MRPL1: variants seen among roughly 807,000 people sequenced by gnomAD.
MRPL1 encodes mitochondrial ribosomal protein L1.
MRPL1 carries 28 observed loss-of-function variants against 38.0 expected under a neutral mutation model. That is an observed-to-expected ratio of 0.74 (90% CI 0.55 to 1.01). The LOEUF (loss-of-function observed/expected upper bound fraction) is 1.01, where lower values mean the gene tolerates loss of function less well. Ranked by LOEUF, MRPL1 falls within the 50% of genes least tolerant of loss-of-function variation. The probability of loss-of-function intolerance (pLI) is 0.00; values close to 1 mark genes in which losing one functional copy is unlikely to be tolerated. For synonymous variants in MRPL1, 123 were observed against 126.7 expected, an observed-to-expected ratio of 0.97 and a Z score of 0.20; for missense variants, 358 against 389.8, an observed-to-expected ratio of 0.92 and a Z score of 0.69.
chr4:77,879,684 C>T (rs1391819000), intron 2 of MRPL1, among the ~76,000 whole-genome samples: 1 of 152,114 alleles, frequency 6.6e-6, no homozygotes, highest in Non-Finnish European at 1.5e-5. Context: ...CTCCAAAATC[C>T]TTCTGTTGGC....
chr4:77,863,031 A>G (rs1023640148), intron 1 of MRPL1, 152 bp downstream of exon 1: 1 of 883,110 alleles, frequency 1.1e-6, no homozygotes, highest in African/African-American at 1.7e-5. Context: ...ATTACTACTT[A>G]AAAGTGACCT....
chr4:77,876,751 C>A (rs1254392009), intron 2 of MRPL1, among the ~76,000 whole-genome samples: 4 of 152,056 alleles, frequency 2.6e-5, no homozygotes, highest in Non-Finnish European at 5.9e-5. Flanking sequence ...TCTTGTCTGT[C>A]CTTTTGGCTC....
chr4:77,892,670 T>G (rs1003878757), intron 5 of MRPL1, among the ~76,000 whole-genome samples: 1 of 152,064 alleles, frequency 6.6e-6, no homozygotes, highest in Non-Finnish European at 1.5e-5. Context: ...TTGGAAAATC[T>G]TGAAATAGAA....
intron 1 of MRPL1, among the ~76,000 whole-genome samples, chr4:77,865,783 C>G (rs1007120723): frequency 6.6e-6 from 1 of 152,188 alleles, no homozygotes; most frequent in Non-Finnish European, 1.5e-5. Context: ...ACCTTGTTCC[C>G]ACCTGCTACC....
intron 7 of MRPL1, among the ~76,000 whole-genome samples, chr4:77,924,415 T>C (rs1422199209): frequency 1.3e-5 from 2 of 152,160 alleles, no homozygotes; most frequent in Admixed American, 6.6e-5. Context: ...TCATAATTCT[T>C]TGATAATTAC....
intron 7 of MRPL1, among the ~76,000 whole-genome samples, chr4:77,937,635 C>T (rs1737018435): frequency 6.6e-6 from 1 of 152,160 alleles, no homozygotes; most frequent in South Asian, 2.1e-4. Context: ...GGAGACTTTC[C>T]TCCTCACTTG....
At chr4:77,904,679 T>C (rs1736114714) in intron 6 of MRPL1, among the ~76,000 whole-genome samples, 1 of 152,186 alleles carries the variant, frequency 6.6e-6, no homozygotes, top group African/African-American at 2.4e-5. Context: ...AAAGGATAAA[T>C]GAAGATAGAT....
chr4:77,894,340 A>G (rs1362491085), intron 6 of MRPL1, 90 bp downstream of exon 6: 1 of 756,466 alleles, frequency 1.3e-6, no homozygotes, highest in African/African-American at 1.8e-5. Flanking sequence ...ATGTATGCGT[A>G]GAATAAATAG....
At chr4:77,909,854 TC>T (rs1260532287) in intron 7 of MRPL1, among the ~76,000 whole-genome samples, 1 of 152,186 alleles carries the variant, frequency 6.6e-6, no homozygotes, top group Non-Finnish European at 1.5e-5. Flanking sequence ...ATGCTGGAAA[TC>T]AGTTTCCAAA....
At position 77,930,650 on chromosome 4, in the gene MRPL1, G is replaced by T. The variant is rs927177380; in HGVS notation, c.778-19147G>T. Among the ~76,000 whole-genome samples the T allele has an allele frequency of 2.0e-5, 3 of 152,364 alleles. No individual in the cohort carries two copies. The Middle Eastern group carries it at 0.01, about 518-fold the overall frequency. Reference sequence around the variant, plus strand: ...AGTCTCATATCAGAACCCTGTCAGTGAGTGGCAGGTGACAATAAAGCTGCA... The same window carrying T: ...AGTCTCATATCAGAACCCTGTCAGTTAGTGGCAGGTGACAATAAAGCTGCA... On this transcript the variant is annotated intron_variant, in intron 7 of 8. Transcript: ENST00000315567.
chr4:77,898,613 C>G (rs1285969267), intron 6 of MRPL1, among the ~76,000 whole-genome samples: 1 of 151,882 alleles, frequency 6.6e-6, no homozygotes, highest in Non-Finnish European at 1.5e-5. Flanking sequence ...GCCTCAGCCT[C>G]CTGAGTAGCT....
intron 6 of MRPL1, among the ~76,000 whole-genome samples, chr4:77,908,729 G>A (rs1429954474): frequency 6.6e-6 from 1 of 152,206 alleles, no homozygotes; most frequent in Non-Finnish European, 1.5e-5. Context: ...AGGAATGTAT[G>A]TGTAGCAGAG....
intron 7 of MRPL1, among the ~76,000 whole-genome samples, chr4:77,937,757 A>G (rs2110263140): frequency 6.6e-6 from 1 of 152,162 alleles, no homozygotes; most frequent in East Asian, 1.9e-4. Context: ...TTTTCCTTTC[A>G]GATTTGAGTC....
chr4:77,944,507 G>A (rs547101149), intron 7 of MRPL1, among the ~76,000 whole-genome samples: 1 of 152,074 alleles, frequency 6.6e-6, no homozygotes, highest in Non-Finnish European at 1.5e-5. Flanking sequence ...GTAGCACTTC[G>A]TTCATATAAA....
intron 7 of MRPL1, among the ~76,000 whole-genome samples, chr4:77,911,277 GTATA>G (rs1736281713): frequency 6.6e-6 from 1 of 152,030 alleles, no homozygotes; most frequent in Non-Finnish European, 1.5e-5. Flanking sequence ...AATGTTTTCA[GTATA>G]TTTAGTAGTT....
At chr4:77,918,331 A>G (rs1236052548) in intron 7 of MRPL1, among the ~76,000 whole-genome samples, 1 of 152,158 alleles carries the variant, frequency 6.6e-6, no homozygotes, top group Non-Finnish European at 1.5e-5. Flanking sequence ...CCAAGTTTAA[A>G]TTGGTTTTCA....
intron 7 of MRPL1, among the ~76,000 whole-genome samples, chr4:77,941,433 A>G (rs1447382758): frequency 6.6e-6 from 1 of 152,194 alleles, no homozygotes; most frequent in Non-Finnish European, 1.5e-5. Flanking sequence ...GAATAGTGTC[A>G]GTAGGATCAG....
chr4:77,906,936 T>C (rs1416753023), intron 6 of MRPL1: 19 of 983,064 alleles, frequency 1.9e-5, no homozygotes, highest in Non-Finnish European at 2.3e-5. Context: ...ATCCATTATC[T>C]CCCAATTAGA....
chr4:77,951,067 A>G (rs1354329990), intron 8 of MRPL1, among the ~76,000 whole-genome samples: 1 of 152,134 alleles, frequency 6.6e-6, no homozygotes, highest in Non-Finnish European at 1.5e-5. Context: ...GTGGGGTTTC[A>G]CCATGTTGGC....
Sources: gnomAD v4.1 joint callset for allele counts (sites outside exome capture counted in the v4.1 genomes callset) on GRCh38, gnomAD v4.1.1 for gene constraint, MANE v1.5 for transcripts, NCBI Gene and HGNC (gene_info 2026-07-23, HGNC 2026-07-21) for gene names.